Variants in CTDSPL observed in about 807,000 individuals in gnomAD.
CTDSPL encodes the protein CTD small phosphatase-like protein.
CTDSPL carries 8 observed loss-of-function variants against 30.5 expected under a neutral mutation model. The ratio of observed to expected loss-of-function variants is 0.26; its 90% CI spans 0.15 to 0.47. CTDSPL has a LOEUF of 0.47. CTDSPL is among the 20% of genes least tolerant of loss of function. The pLI is 0.99. For missense variants in CTDSPL, 248 were observed against 366.1 expected, an observed-to-expected ratio of 0.68 and a Z score of 2.63; for synonymous variants, 110 against 137.9, an observed-to-expected ratio of 0.80 and a Z score of 1.42.
intron 4 of CTDSPL, 63 bp from the exon 5 acceptor site, chr3:37,967,760 TTGC>T: frequency 8.2e-7 from 1 of 1,215,934 alleles, no homozygotes; most frequent in Non-Finnish European, 1.2e-6. Context: ...GGCTTTTTTC[TTGC>T]TAAAATTTCC....
chr3:37,941,912 C>T (rs1575309871), intron 1 of CTDSPL, among the ~76,000 whole-genome samples: 1 of 150,180 alleles, frequency 6.7e-6, no homozygotes, highest in Admixed American at 6.7e-5. Flanking sequence ...GTCCCTGGAA[C>T]CAGATGCAGA....
chr3:37,896,450 A>G (rs1008383578), intron 1 of CTDSPL, among the ~76,000 whole-genome samples: 1 of 152,160 alleles, frequency 6.6e-6, no homozygotes, highest in Non-Finnish European at 1.5e-5. Context: ...TTGAAAACCA[A>G]TTTTGGGTTT....
chr3:37,952,675 TA>T (rs1202285463), intron 2 of CTDSPL, among the ~76,000 whole-genome samples: 2 of 152,250 alleles, frequency 1.3e-5, no homozygotes, highest in Non-Finnish European at 2.9e-5. Context: ...ACAGTTGACT[TA>T]GTCAAACCAA....
At position 37,975,595 on chromosome 3, in the gene CTDSPL, C is replaced by T. The variant is rs184884679; in HGVS notation, c.520-114C>T. On this transcript the variant is annotated intron_variant, in intron 6 of 7. Transcript: ENST00000273179. This position sits in a 1 kb window ranked among gnomAD's most constrained non-coding sequence, Gnocchi z 4.9. ...GGAAAATAACCAGGATCCTAAGACA[C>T]ATCTAATTATTAAATCCATTTTTAA... 494 of 888,520 alleles carry T rather than the reference C, an allele frequency of 5.6e-4. 1 individual carries two copies. The African/African-American group carries it at 7.8e-3, about 14-fold the overall frequency. The allele number at this position is 888,520 out of a possible 1,614,324, so 55.0% of individuals were successfully genotyped here. A position where few individuals can be genotyped will look rare whatever the true frequency, so the allele number is the denominator to read the frequency against.
intron 1 of CTDSPL, among the ~76,000 whole-genome samples, chr3:37,874,341 G>C (rs73056961): frequency 0.019 from 2,949 of 152,134 alleles, 41 homozygotes; most frequent in Middle Eastern, 0.034. Context: ...GTGGATTGAG[G>C]GGGTACATAA....
At chr3:37,912,972 G>C (rs1165248347) in intron 1 of CTDSPL, among the ~76,000 whole-genome samples, 2 of 152,170 alleles carry the variant, frequency 1.3e-5, no homozygotes, top group Non-Finnish European at 2.9e-5. Context: ...AGGAAACTGA[G>C]GCTCAGAGAT....
At chr3:37,928,776 T>A (rs9824106) in intron 1 of CTDSPL, among the ~76,000 whole-genome samples, 9,990 of 152,282 alleles carry the variant, frequency 0.066, 590 homozygotes, top group African/African-American at 0.16. Context: ...AGAAGCTATT[T>A]AGTTTGATGT....
At chr3:37,926,222 C>A (rs2125612819) in intron 1 of CTDSPL, among the ~76,000 whole-genome samples, 1 of 152,228 alleles carries the variant, frequency 6.6e-6, no homozygotes, top group South Asian at 2.1e-4. Context: ...TTAAGTGGGG[C>A]AAATACTAGC....
At chr3:37,953,841 G>A (rs921439554) in intron 2 of CTDSPL, among the ~76,000 whole-genome samples, 1 of 152,148 alleles carries the variant, frequency 6.6e-6, no homozygotes, top group African/African-American at 2.4e-5. Context: ...GGTAGGTTCT[G>A]GCTAATGGAA....
intron 1 of CTDSPL, among the ~76,000 whole-genome samples, chr3:37,863,082 G>C (rs188030158): frequency 6.3e-4 from 96 of 152,306 alleles, no homozygotes; most frequent in Middle Eastern, 3.4e-3. Flanking sequence ...CTGGAGTCTG[G>C]GGGGGAGAAG....
At chr3:37,909,472 C>T (rs1026495871) in intron 1 of CTDSPL, among the ~76,000 whole-genome samples, 30 of 152,250 alleles carry the variant, frequency 2.0e-4, no homozygotes, top group Admixed American at 1.8e-3. Context: ...TGGCCTGCCC[C>T]GCACTGCCCT....
rs189006039 is a variant in CTDSPL at position 37,940,740 on chromosome 3, A to G, written c.80-6317A>G. 8.0e-4 allele frequency among the ~76,000 whole-genome samples: 120 copies of G among 150,584 alleles called. 3 individuals are homozygous for G. Among genetic ancestry groups the G allele is most frequent in the African/African-American group, 2.8e-3 (114 of 41,428 alleles). On this transcript the variant is annotated intron_variant, in intron 1 of 7. Transcript: ENST00000273179. ...CCTTGATAAAGGACAGAACATTGGT[A>G]GGGTGAGAGTGGTTCCCCAGAGGAA...
chr3:37,920,203 T>C (rs1279770953), intron 1 of CTDSPL, among the ~76,000 whole-genome samples: 1 of 152,194 alleles, frequency 6.6e-6, no homozygotes, highest in African/African-American at 2.4e-5. Flanking sequence ...CGATCTCCAC[T>C]TGAAGCCTTT....
At chr3:37,932,196 T>C (rs1698863019) in intron 1 of CTDSPL, among the ~76,000 whole-genome samples, 1 of 152,178 alleles carries the variant, frequency 6.6e-6, no homozygotes, top group African/African-American at 2.4e-5. Context: ...GGCAGATTCA[T>C]ACATCCTACT....
chr3:37,948,053 G>T (rs538988658), intron 2 of CTDSPL, among the ~76,000 whole-genome samples: 3 of 152,290 alleles, frequency 2.0e-5, no homozygotes, highest in African/African-American at 7.2e-5. Flanking sequence ...GGAGGCCAAG[G>T]CGGGCAGATC....
At chr3:37,949,648 C>A (rs1699086143) in intron 2 of CTDSPL, among the ~76,000 whole-genome samples, 1 of 152,228 alleles carries the variant, frequency 6.6e-6, no homozygotes, top group Non-Finnish European at 1.5e-5. Context: ...CTAGGATTTT[C>A]TCCTTCCCTC....
Position 37,862,176 on chromosome 3 carries a change from G to T in CTDSPL, c.-24G>T, listed in dbSNP as rs1697948049. 8 of 1,129,692 alleles carry T rather than the reference G, an allele frequency of 7.1e-6. No individual in the cohort carries two copies. The highest frequency in any genetic ancestry group is 8.7e-6 in the Non-Finnish European group (8 of 920,742). 70.0% of individuals were successfully genotyped at this position (1,129,692 alleles called of 1,614,324 possible). A position where few individuals can be genotyped will look rare whatever the true frequency, so the allele number is the denominator to read the frequency against. ...TTGGCTTGCGGGGGGCCGGGCCTGC[G>T]GGCGGCCGCCGCGCCGCGCACCCAT... On this transcript the variant is annotated 5_prime_UTR_variant, in exon 1 of 8. Coordinates refer to ENST00000273179, the MANE Select transcript of CTDSPL (RefSeq NM_001008392.2). This position sits in a 1 kb window ranked among gnomAD's most constrained non-coding sequence, Gnocchi z 4.3.
intron 1 of CTDSPL, among the ~76,000 whole-genome samples, chr3:37,876,289 C>G (rs1202192788): frequency 6.6e-6 from 1 of 151,958 alleles, no homozygotes; most frequent in Non-Finnish European, 1.5e-5. Context: ...AAAAATTACT[C>G]TTTTTCATGT....
At chr3:37,876,569 T>C (rs554918827) in intron 1 of CTDSPL, among the ~76,000 whole-genome samples, 1 of 152,364 alleles carries the variant, frequency 6.6e-6, no homozygotes. Context: ...TCTCTGATGA[T>C]GCTGAACTTC....
Sources: allele counts gnomAD v4.1 joint callset (sites outside exome capture counted in the v4.1 genomes callset), GRCh38; gene constraint gnomAD v4.1.1; non-coding constraint Gnocchi (gnomAD v3.1); transcripts MANE v1.5; gene names NCBI Gene and HGNC (gene_info 2026-07-23, HGNC 2026-07-21).